Variants in MAPRE2 observed in about 807,000 individuals in gnomAD.
MAPRE2 encodes the protein microtubule-associated protein RP/EB family member 2.
Under a neutral mutation model 43.2 loss-of-function variants are expected in MAPRE2, and 13 were observed. The ratio of observed to expected loss-of-function variants is 0.30; its 90% CI spans 0.20 to 0.48. MAPRE2 has a LOEUF of 0.48. Ranked by LOEUF, MAPRE2 falls within the 20% of genes least tolerant of loss-of-function variation. The pLI is 0.99. For missense variants in MAPRE2, 161 were observed against 400.2 expected (o/e 0.40, Z 5.10); for synonymous variants, 135 against 148.8 (o/e 0.91, Z 0.68).
At chr18:35,135,881 C>T (rs530819783) in intron 6 of MAPRE2, among the ~76,000 whole-genome samples, 1 of 152,344 alleles carries the variant, frequency 6.6e-6, no homozygotes, top group African/African-American at 2.4e-5. Flanking sequence ...TTCCCAGAGC[C>T]CTCCTGGAGC....
intron 2 of MAPRE2, among the ~76,000 whole-genome samples, chr18:35,022,817 A>T (rs1030182592): frequency 6.6e-6 from 1 of 152,228 alleles, no homozygotes; most frequent in African/African-American, 2.4e-5. Context: ...GCTGCAAGAA[A>T]ACACAGTAGA....
rs1194292281 is a variant in MAPRE2, at chr18:35,096,614, T to TA, written c.251-831dup. 2.0e-5 allele frequency among the ~76,000 whole-genome samples: 3 copies of TA among 152,178 alleles called. No individual in the cohort carries two copies. The East Asian group carries it at 5.8e-4, about 29-fold the overall frequency. ...GACTCTGAACTTCTATAGCTTTCAGTATCCATGTCTTCATACTTCATGTTA... is the reference window on the plus strand; with the variant it reads ...GACTCTGAACTTCTATAGCTTTCAGTAATCCATGTCTTCATACTTCATGTTA... On this transcript the variant is annotated intron_variant, in intron 2 of 6. Coordinates refer to ENST00000300249, the MANE Select transcript of MAPRE2 (RefSeq NM_014268.4).
chr18:35,104,629 A>T (rs1348339384), intron 4 of MAPRE2, among the ~76,000 whole-genome samples: 1 of 152,120 alleles, frequency 6.6e-6, no homozygotes, highest in Non-Finnish European at 1.5e-5. Flanking sequence ...AAGAGAGGAT[A>T]TTTATTTTCT....
At chr18:35,092,794 A>G (rs1232399150) in intron 2 of MAPRE2, among the ~76,000 whole-genome samples, 2 of 152,232 alleles carry the variant, frequency 1.3e-5, no homozygotes, top group Non-Finnish European at 2.9e-5. Flanking sequence ...TTGGTTAGAC[A>G]TTTCTCAAAA....
intron 1 of MAPRE2, among the ~76,000 whole-genome samples, chr18:35,056,825 C>A (rs1906256353): frequency 6.6e-6 from 1 of 152,152 alleles, no homozygotes; most frequent in Non-Finnish European, 1.5e-5. Flanking sequence ...TCAGTAATGA[C>A]CCCTATCCCT....
At chr18:35,113,542 C>T (rs75581697) in intron 4 of MAPRE2, among the ~76,000 whole-genome samples, 1 of 152,052 alleles carries the variant, frequency 6.6e-6, no homozygotes, top group South Asian at 2.1e-4. Flanking sequence ...CTTTGCAACT[C>T]AGAATCTGAA....
intron 1 of MAPRE2, among the ~76,000 whole-genome samples, chr18:34,985,389 TATATAA>T (rs2097019746): frequency 6.9e-5 from 1 of 14,418 alleles, no homozygotes; most frequent in Non-Finnish European, 1.2e-4. Context: ...ATTTTATATA[TATATAA>T]TATATAATAT....
chr18:35,041,321 C>T, upstream of MAPRE2: 2 of 1,424,380 alleles, frequency 1.4e-6, no homozygotes, highest in Non-Finnish European at 9.1e-7. Flanking sequence ...TGGCAACAGG[C>T]TGGCCACGTG....
chr18:35,033,417 C>T (rs1289538866), intron 2 of MAPRE2, among the ~76,000 whole-genome samples: 1 of 149,280 alleles, frequency 6.7e-6, no homozygotes, highest in African/African-American at 2.4e-5. Context: ...ACTGAATGGG[C>T]AAAAACTGGA....
intron 2 of MAPRE2, among the ~76,000 whole-genome samples, chr18:35,005,947 CAGAA>C (rs1324800374): frequency 1.3e-5 from 2 of 152,122 alleles, no homozygotes; most frequent in South Asian, 2.1e-4. Context: ...CTTTGAGAGG[CAGAA>C]AGAGAGACAG....
At chr18:35,116,118 T>C (rs1909398967) in intron 4 of MAPRE2, among the ~76,000 whole-genome samples, 1 of 152,132 alleles carries the variant, frequency 6.6e-6, no homozygotes, top group Admixed American at 6.5e-5. Flanking sequence ...TCAGCATATA[T>C]AGGAAGAACA....
intron 2 of MAPRE2, among the ~76,000 whole-genome samples, chr18:35,094,782 G>T (rs928646184): frequency 6.6e-6 from 1 of 152,188 alleles, no homozygotes; most frequent in African/African-American, 2.4e-5. Flanking sequence ...ATGGCACTGT[G>T]CTGCTTTTGC....
chr18:35,057,286 A>G (rs1419142952), intron 1 of MAPRE2, among the ~76,000 whole-genome samples: 1 of 152,160 alleles, frequency 6.6e-6, no homozygotes, highest in Admixed American at 6.5e-5. Context: ...AAGCGCTAGT[A>G]TTACAGGCAT....
intron 1 of MAPRE2, among the ~76,000 whole-genome samples, chr18:34,979,073 A>T (rs2097014718): frequency 6.6e-6 from 1 of 152,170 alleles, no homozygotes; most frequent in Non-Finnish European, 1.5e-5. Flanking sequence ...TGGGTGGGTG[A>T]GAGAAAAGAC....
At chr18:35,040,634 T>G (rs1428711007), upstream of MAPRE2, among the ~76,000 whole-genome samples, 8 of 152,260 alleles carry the variant, frequency 5.3e-5, no homozygotes, top group Admixed American at 5.2e-4. Flanking sequence ...TGATCACTTT[T>G]GTAATTCAAA....
At chr18:35,036,246 T>G (rs2097050534) in intron 2 of MAPRE2, among the ~76,000 whole-genome samples, 1 of 152,044 alleles carries the variant, frequency 6.6e-6, no homozygotes, top group South Asian at 2.1e-4. Context: ...AGTCACCAAA[T>G]CCTGAGTTAT....
At chr18:35,126,872 TATC>T in intron 4 of MAPRE2, 73 bp from the exon 5 acceptor site, 1 of 1,292,642 alleles carries the variant, frequency 7.7e-7, no homozygotes, top group Non-Finnish European at 1.1e-6. Context: ...GCTCTTTTCA[TATC>T]ATTCATTTTC....
At chr18:35,089,324 T>C (rs993427053) in intron 2 of MAPRE2, among the ~76,000 whole-genome samples, 1 of 152,192 alleles carries the variant, frequency 6.6e-6, no homozygotes, top group Admixed American at 6.5e-5. Context: ...TATTGAAATA[T>C]AAAACATTTT....
At chr18:35,066,558 T>C (rs1906847637) in intron 1 of MAPRE2, among the ~76,000 whole-genome samples, 1 of 152,254 alleles carries the variant, frequency 6.6e-6, no homozygotes, top group South Asian at 2.1e-4. Flanking sequence ...ATATAAATGT[T>C]CTGTGAATGT....
Sources: allele counts gnomAD v4.1 joint callset (sites outside exome capture counted in the v4.1 genomes callset), GRCh38; gene constraint gnomAD v4.1.1; transcripts MANE v1.5; gene names NCBI Gene and HGNC (gene_info 2026-07-23, HGNC 2026-07-21).